The following ANKRD28 variants were observed in gnomAD, a reference collection of about 807,000 sequenced individuals.
ANKRD28 encodes ankyrin repeat domain 28, also known as serine/threonine-protein phosphatase 6 regulatory ankyrin repeat subunit A.
ANKRD28 carries 44 observed loss-of-function variants against 126.5 expected under a neutral mutation model. The ratio of observed to expected loss-of-function variants is 0.35; its 90% CI spans 0.27 to 0.45. The LOEUF (loss-of-function observed/expected upper bound fraction) is 0.45, where lower values mean the gene tolerates loss of function less well. ANKRD28 is among the 20% of genes least tolerant of loss of function. ANKRD28 has a pLI of 1.00. For synonymous variants in ANKRD28, 442 were observed against 468.5 expected (o/e 0.94, Z 0.73); for missense variants, 1,110 against 1,316.6 (o/e 0.84, Z 2.43).
At chr3:15,799,214 G>A (rs2060404182), upstream of ANKRD28, among the ~76,000 whole-genome samples, 1 of 151,820 alleles carries the variant, frequency 6.6e-6, no homozygotes, top group African/African-American at 2.4e-5. Flanking sequence ...TATAAAGGTT[G>A]TGAAAAGTTT....
chr3:15,772,203 GA>G (rs1318828630), intron 2 of ANKRD28, among the ~76,000 whole-genome samples: 1 of 151,976 alleles, frequency 6.6e-6, no homozygotes, highest in African/African-American at 2.4e-5. Context: ...GCAGAAGGAT[GA>G]AAATGATAAA....
Position 15,686,254 on chromosome 3 carries a change from C to T in ANKRD28, c.2019G>A (p.Gln673=). 1 of 1,593,656 alleles carries T rather than the reference C, an allele frequency of 6.3e-7. No homozygotes were observed. The highest frequency in any genetic ancestry group is 8.6e-7 in the Non-Finnish European group (1 of 1,168,772). The change falls in exon 19 of 28, where the codon CAG becomes CAA. Residue 673 remains glutamine (Q), a synonymous_variant. Coordinates refer to ENST00000683139, the MANE Select transcript of ANKRD28 (RefSeq NM_001349278.2). ...TTCCATCTTGAATATCCACTGCATT[C>T]TGTGGTTCTGCATTTCCTATTAATA... The part of the protein sequence containing the change: ...LRLLIGNAEP[Q]NAVDIQDGNG...
intron 4 of ANKRD28, among the ~76,000 whole-genome samples, chr3:15,739,410 C>T (rs1277392572): frequency 6.6e-6 from 1 of 152,194 alleles, no homozygotes; most frequent in Admixed American, 6.5e-5. Context: ...AGTCCCTCCA[C>T]TTGGGGTCCC....
chr3:15,715,811 G>A (rs2072938266), intron 8 of ANKRD28, among the ~76,000 whole-genome samples: 1 of 151,888 alleles, frequency 6.6e-6, no homozygotes, highest in Non-Finnish European at 1.5e-5. Context: ...TAACACATCA[G>A]TGCTTCTCAG....
intron 1 of ANKRD28, among the ~76,000 whole-genome samples, chr3:15,831,456 T>C (rs1034253177): frequency 1.5e-4 from 23 of 152,168 alleles, no homozygotes; most frequent in African/African-American, 5.1e-4. Context: ...CTGTCCACAG[T>C]AGGATGTTTA....
intron 4 of ANKRD28, among the ~76,000 whole-genome samples, chr3:15,737,633 T>G (rs1032886139): frequency 1.3e-5 from 2 of 150,258 alleles, no homozygotes; most frequent in African/African-American, 4.9e-5. Flanking sequence ...CCTGGCTAAT[T>G]TTTTAGTTAT....
At position 15,819,067 on chromosome 3, in the gene ANKRD28, C is replaced by T. The variant is rs187375731; in HGVS notation, c.28-23761G>A. On this transcript the variant is annotated intron_variant, in intron 1 of 27. Transcript: ENST00000399451. ...ACAAGGTGGGAGGACTGCTTGAGCCCAAGAGTTCAAGACCAGCCTAGGCAA... is the reference window on the plus strand; with the variant it reads ...ACAAGGTGGGAGGACTGCTTGAGCCTAAGAGTTCAAGACCAGCCTAGGCAA... 1.7e-3 allele frequency among the ~76,000 whole-genome samples: 251 copies of T among 152,084 alleles called. 1 individual carries two copies. The highest frequency in any genetic ancestry group is 3.9e-3 in the Admixed American group (59 of 15,282).
intron 4 of ANKRD28, among the ~76,000 whole-genome samples, chr3:15,739,196 G>C (rs1449671771): frequency 6.6e-6 from 1 of 152,100 alleles, no homozygotes; most frequent in Non-Finnish European, 1.5e-5. Context: ...AAAGATGATG[G>C]GATTAAGAGA....
rs564349570 is a variant in ANKRD28 at position 15,706,359 on chromosome 3, C to A, written c.1547+1565G>T. The stretch of plus-strand genomic sequence containing the variant: ...TGTGGTGTTTGGTTTTTTGTCCTTG[C>A]GATAGTTTGCTCAGAATGATGTTTC... On this transcript the variant is annotated intron_variant, in intron 14 of 27. Coordinates refer to ENST00000683139, the MANE Select transcript of ANKRD28 (RefSeq NM_001349278.2). Among the ~76,000 whole-genome samples the A allele has an allele frequency of 1.3e-4, 10 of 76,436 alleles. No individual in the cohort carries two copies. In the East Asian group the frequency reaches 3.7e-3, roughly 28 times the overall value. 50.1% of individuals were successfully genotyped at this position (76,436 alleles called of 152,430 possible).
intron 21 of ANKRD28, chr3:15,684,763 A>G (rs549577387): frequency 2.5e-4 from 42 of 166,584 alleles, no homozygotes; most frequent in Admixed American, 1.6e-3. Flanking sequence ...CAAGCACACT[A>G]TATAAAAGCA....
Position 15,685,265 on chromosome 3 carries a change from T to C in ANKRD28, c.2350A>G (p.Asn784Asp), listed in dbSNP as rs2067979573. Residue 784 changes from asparagine to aspartate, a missense_variant, in exon 21 of 28, where the codon AAT (asparagine) becomes GAT (aspartate). Physicochemically the swap from Asn to Asp is conservative, Grantham distance 23. Coordinates refer to ENST00000683139, the MANE Select transcript of ANKRD28 (RefSeq NM_001349278.2). ...CAGTGAAGTGCCGTATATCCATGAT[T>C]GTCTGCTGTGGCTGGATTTGCATCC... ...SMDANPATAD[N>D]HGYTALHWAC... 6.2e-7 allele frequency: 1 copy of C among 1,613,938 alleles called. No homozygotes were observed. The highest frequency in any genetic ancestry group is 1.3e-5 in the African/African-American group (1 of 74,948).
chr3:15,711,399 C>G, intron 11 of ANKRD28, 125 bp from the exon 12 acceptor site: 1 of 696,094 alleles, frequency 1.4e-6, no homozygotes, highest in Non-Finnish European at 2.4e-6. Context: ...TTCTTAAGTG[C>G]TAGAGTGCCT....
intron 1 of ANKRD28, among the ~76,000 whole-genome samples, chr3:15,837,277 A>T (rs1371989178): frequency 1.3e-5 from 2 of 152,168 alleles, no homozygotes; most frequent in Non-Finnish European, 2.9e-5. Context: ...AGCAATGAAG[A>T]TCTGAACAAC....
At chr3:15,695,529 T>A (rs1293976753) in intron 15 of ANKRD28, among the ~76,000 whole-genome samples, 3 of 152,152 alleles carry the variant, frequency 2.0e-5, no homozygotes, top group Non-Finnish European at 4.4e-5. Context: ...TATTTCCCCT[T>A]GAAGGGAAGC....
intron 14 of ANKRD28, among the ~76,000 whole-genome samples, chr3:15,702,337 A>G (rs2455793): frequency 0.58 from 88,263 of 151,934 alleles, 25,922 homozygotes; most frequent in Middle Eastern, 0.65. Context: ...TGAAAATGTG[A>G]ACTTCATTAG....
chr3:15,680,100 G>A (rs1367626081), intron 21 of ANKRD28, among the ~76,000 whole-genome samples: 3 of 152,008 alleles, frequency 2.0e-5, no homozygotes, highest in Non-Finnish European at 4.4e-5. Flanking sequence ...AAATGACTGT[G>A]CTATTTTTTT....
chr3:15,775,661 T>C (rs2059229158), intron 2 of ANKRD28, among the ~76,000 whole-genome samples: 1 of 152,090 alleles, frequency 6.6e-6, no homozygotes, highest in Non-Finnish European at 1.5e-5. Flanking sequence ...GATGTATTAA[T>C]AACACAAAAA....
chr3:15,743,083 C>A, intron 4 of ANKRD28, among the ~76,000 whole-genome samples: 1 of 152,004 alleles, frequency 6.6e-6, no homozygotes, highest in Non-Finnish European at 1.5e-5. Context: ...TACCCCCAAC[C>A]CTGTGCTCTC....
At chr3:15,704,211 G>C (rs2071032345) in intron 14 of ANKRD28, among the ~76,000 whole-genome samples, 1 of 152,020 alleles carries the variant, frequency 6.6e-6, no homozygotes, top group African/African-American at 2.4e-5. Flanking sequence ...GTAAAATAAA[G>C]ACACTTCAGA....
Sources: gnomAD v4.1 joint callset for allele counts (sites outside exome capture counted in the v4.1 genomes callset) on GRCh38, gnomAD v4.1.1 for gene constraint, MANE v1.5 for transcripts, NCBI Gene and HGNC (gene_info 2026-07-23, HGNC 2026-07-21) for gene names.